The following PXDNL variants were observed in gnomAD, a reference collection of about 807,000 sequenced individuals.
The protein encoded by PXDNL is probable oxidoreductase PXDNL.
In PXDNL, 145 loss-of-function variants were observed where a neutral mutation model predicts 150.8. The observed-to-expected ratio is 0.96, with a 90% CI of 0.84 to 1.10. The LOEUF is 1.10. Among genes scored for constraint, PXDNL ranks in the 50% least tolerant of loss-of-function variants. The pLI, the probability that PXDNL is intolerant of heterozygous loss-of-function variation, is 0.00. For synonymous variants in PXDNL, 757 were observed against 725.7 expected, an observed-to-expected ratio of 1.04 and a Z score of -0.69; for missense variants, 2,087 against 1,873.9, an observed-to-expected ratio of 1.11 and a Z score of -2.10.
chr8:51,506,259 A>G (rs992519578), intron 4 of PXDNL, among the ~76,000 whole-genome samples: 7 of 152,102 alleles, frequency 4.6e-5, no homozygotes, highest in Non-Finnish European at 1.0e-4. Flanking sequence ...GTTACAGAAA[A>G]AGGCTGGGCA....
intron 2 of PXDNL, among the ~76,000 whole-genome samples, chr8:51,601,681 G>A (rs1033319888): frequency 2.6e-5 from 4 of 151,794 alleles, no homozygotes; most frequent in African/African-American, 9.7e-5. Context: ...TTGCCACTCT[G>A]TGCCTTTAAA....
At chr8:51,524,116 A>G (rs1811717399) in intron 4 of PXDNL, among the ~76,000 whole-genome samples, 1 of 145,140 alleles carries the variant, frequency 6.9e-6, no homozygotes, top group South Asian at 2.3e-4. Context: ...TCGGTTCCTC[A>G]TGGCACCCAA....
At chr8:51,600,565 CGTTTAG>C (rs1813687356) in intron 2 of PXDNL, among the ~76,000 whole-genome samples, 1 of 111,228 alleles carries the variant, frequency 9.0e-6, no homozygotes, top group African/African-American at 3.3e-5. Context: ...TAAATTATAT[CGTTTAG>C]ATAATAAATT....
intron 1 of PXDNL, among the ~76,000 whole-genome samples, chr8:51,676,832 C>A (rs1185818082): frequency 6.6e-6 from 1 of 152,142 alleles, no homozygotes; most frequent in Non-Finnish European, 1.5e-5. Flanking sequence ...AATAAGCATT[C>A]TTTGATTAAT....
chr8:51,486,821 T>A (rs1810776654), intron 5 of PXDNL, among the ~76,000 whole-genome samples: 3 of 111,996 alleles, frequency 2.7e-5, no homozygotes, highest in Admixed American at 9.6e-5. Flanking sequence ...TTTTTTTTTT[T>A]GAGACGGAGT....
intron 1 of PXDNL, among the ~76,000 whole-genome samples, chr8:51,753,137 C>A (rs77121176): frequency 1.3e-5 from 2 of 152,242 alleles, no homozygotes; most frequent in East Asian, 3.8e-4. Context: ...AAATGGATTT[C>A]TCTTGATTGC....
chr8:51,705,210 C>A (rs2130888417), intron 1 of PXDNL, among the ~76,000 whole-genome samples: 1 of 152,306 alleles, frequency 6.6e-6, no homozygotes, highest in Middle Eastern at 3.4e-3. Context: ...AAGTGACCCA[C>A]CCTCTAGGAG....
intron 3 of PXDNL, among the ~76,000 whole-genome samples, chr8:51,585,823 C>A (rs1813311249): frequency 6.6e-6 from 1 of 152,124 alleles, no homozygotes; most frequent in African/African-American, 2.4e-5. Flanking sequence ...TTTCTCACAA[C>A]CTTCTTGCTC....
At chr8:51,792,614 G>A (rs1251445550) in intron 1 of PXDNL, among the ~76,000 whole-genome samples, 4 of 152,162 alleles carry the variant, frequency 2.6e-5, no homozygotes, top group African/African-American at 7.2e-5. Context: ...AGCCATCACC[G>A]CAGCTCCAGT....
chr8:51,337,880 A>C (rs574548703), intron 21 of PXDNL, among the ~76,000 whole-genome samples: 1 of 148,182 alleles, frequency 6.7e-6, no homozygotes, highest in East Asian at 2.0e-4. Context: ...CTCAAAAAAA[A>C]AAAAAGCACA....
chr8:51,713,960 T>C (rs569712240), intron 1 of PXDNL, among the ~76,000 whole-genome samples: 11 of 152,348 alleles, frequency 7.2e-5, no homozygotes, highest in Admixed American at 2.6e-4. Context: ...AAAATCCATA[T>C]AAATAAAACC....
chr8:51,471,750 G>A (rs1392396413), intron 8 of PXDNL, among the ~76,000 whole-genome samples: 1 of 150,440 alleles, frequency 6.6e-6, no homozygotes, highest in African/African-American at 2.5e-5. Flanking sequence ...GCAGTGGCAC[G>A]ATCTCAGCTC....
At chr8:51,644,392 GTA>G (rs1242688989) in intron 2 of PXDNL, among the ~76,000 whole-genome samples, 1 of 53,880 alleles carries the variant, frequency 1.9e-5, no homozygotes, top group African/African-American at 6.0e-5. Context: ...ACACATATGT[GTA>G]TATATATACA....
intron 1 of PXDNL, among the ~76,000 whole-genome samples, chr8:51,702,331 G>A (rs1242846940): frequency 1.3e-5 from 2 of 152,138 alleles, no homozygotes; most frequent in African/African-American, 4.8e-5. Flanking sequence ...AAGTGGAAAC[G>A]TGACTCTTCC....
intron 20 of PXDNL, 124 bp from the exon 21 acceptor site, chr8:51,339,877 A>G: frequency 1.1e-6 from 1 of 878,322 alleles, no homozygotes; most frequent in Non-Finnish European, 1.7e-6. Context: ...GTTCTTTGTG[A>G]TCTTAAAAGG....
At chr8:51,377,143 C>CACACAA (rs966278135) in intron 17 of PXDNL, among the ~76,000 whole-genome samples, 28 of 149,250 alleles carry the variant, frequency 1.9e-4, no homozygotes, top group Admixed American at 4.7e-4. Flanking sequence ...CACACACACA[C>CACACAA]AAAGCCAAAG....
intron 2 of PXDNL, among the ~76,000 whole-genome samples, chr8:51,652,904 A>G (rs1162656316): frequency 6.6e-6 from 1 of 152,166 alleles, no homozygotes; most frequent in Non-Finnish European, 1.5e-5. Flanking sequence ...GTTCATCAAT[A>G]ATTGTGTACT....
At chr8:51,496,901 C>A (rs1315437519) in intron 5 of PXDNL, among the ~76,000 whole-genome samples, 6 of 152,112 alleles carry the variant, frequency 3.9e-5, no homozygotes, top group Non-Finnish European at 8.8e-5. Context: ...ATCAAGCTAC[C>A]AATGACTTTC....
chr8:51,695,371 G>T (rs1302163438), intron 1 of PXDNL, among the ~76,000 whole-genome samples: 3 of 152,134 alleles, frequency 2.0e-5, no homozygotes, highest in Non-Finnish European at 4.4e-5. Context: ...ACCTATTAAA[G>T]CACTTAGCAC....
Sources: gnomAD v4.1 joint callset for allele counts (sites outside exome capture counted in the v4.1 genomes callset) on GRCh38, gnomAD v4.1.1 for gene constraint, MANE v1.5 for transcripts, NCBI Gene and HGNC (gene_info 2026-07-23, HGNC 2026-07-21) for gene names.